Variants in GNG12 observed in about 807,000 individuals in gnomAD.
The protein encoded by GNG12 is guanine nucleotide-binding protein G(I)/G(S)/G(O) subunit gamma-12.
For missense variants in GNG12, 69 were observed against 83.8 expected, an observed-to-expected ratio of 0.82 and a Z score of 0.69; for synonymous variants, 28 against 29.7, an observed-to-expected ratio of 0.94 and a Z score of 0.19.
At chr1:67,773,469 T>C (rs2100757486) in intron 2 of GNG12, among the ~76,000 whole-genome samples, 1 of 152,270 alleles carries the variant, frequency 6.6e-6, no homozygotes, top group East Asian at 1.9e-4. Flanking sequence ...GGTGGCCTAG[T>C]TTATAGTTCG....
intron 2 of GNG12, among the ~76,000 whole-genome samples, chr1:67,734,206 TG>T (rs1021011713): frequency 6.6e-6 from 1 of 151,640 alleles, no homozygotes; most frequent in African/African-American, 2.4e-5. Flanking sequence ...AGCCCAGGTC[TG>T]GGCTGCTATC....
intron 2 of GNG12, among the ~76,000 whole-genome samples, chr1:67,750,957 A>G (rs1044392819): frequency 1.1e-4 from 16 of 152,240 alleles, no homozygotes; most frequent in Admixed American, 3.9e-4. Context: ...TACTTTAAAA[A>G]TAACACTAAC....
At chr1:67,794,051 A>C (rs755377203) in intron 1 of GNG12, among the ~76,000 whole-genome samples, 32 of 152,252 alleles carry the variant, frequency 2.1e-4, no homozygotes, top group Non-Finnish European at 4.1e-4. Context: ...CATAAACAGA[A>C]TCTTAAGGCA....
intron 2 of GNG12, among the ~76,000 whole-genome samples, chr1:67,709,825 T>C (rs1294471526): frequency 7.6e-6 from 1 of 130,920 alleles, no homozygotes; most frequent in Non-Finnish European, 1.6e-5. Context: ...TATATATATA[T>C]AAATATATAT....
intron 2 of GNG12, among the ~76,000 whole-genome samples, chr1:67,726,873 C>T (rs981397495): frequency 7.2e-5 from 11 of 152,112 alleles, no homozygotes; most frequent in Non-Finnish European, 1.5e-5. Context: ...TTTTAGGATA[C>T]CCACTACCTT....
intron 1 of GNG12, among the ~76,000 whole-genome samples, chr1:67,802,883 C>T (rs952686881): frequency 2.6e-5 from 4 of 152,238 alleles, no homozygotes; most frequent in South Asian, 2.1e-4. Flanking sequence ...ACACAGCAGA[C>T]GCTCAGTCCC....
chr1:67,769,265 A>G (rs1490757628), intron 2 of GNG12, among the ~76,000 whole-genome samples: 1 of 152,164 alleles, frequency 6.6e-6, no homozygotes, highest in African/African-American at 2.4e-5. Context: ...GAGTGACCTA[A>G]TTGTTACAGG....
chr1:67,820,062 G>A (rs543417910), intron 1 of GNG12, among the ~76,000 whole-genome samples: 21 of 146,172 alleles, frequency 1.4e-4, no homozygotes, highest in African/African-American at 4.8e-4. Context: ...CCCCCAAGTA[G>A]ACAATCAATA....
At chr1:67,788,981 C>T (rs1646785478) in intron 1 of GNG12, among the ~76,000 whole-genome samples, 1 of 152,182 alleles carries the variant, frequency 6.6e-6, no homozygotes, top group African/African-American at 2.4e-5. Context: ...GAGATAAAGG[C>T]TATACTTGTG....
chr1:67,766,166 C>T (rs1296457796), intron 2 of GNG12, among the ~76,000 whole-genome samples: 1 of 147,242 alleles, frequency 6.8e-6, no homozygotes, highest in Non-Finnish European at 1.5e-5. Context: ...ACAATGCCCT[C>T]ATAGACAAGC....
chr1:67,800,689 G>A (rs1446228844), intron 1 of GNG12, among the ~76,000 whole-genome samples: 2 of 152,114 alleles, frequency 1.3e-5, no homozygotes, highest in Non-Finnish European at 2.9e-5. Context: ...ATGGCATTTT[G>A]GTTTTTTTGA....
intron 2 of GNG12, among the ~76,000 whole-genome samples, chr1:67,753,403 G>A (rs757802298): frequency 2.0e-5 from 3 of 150,878 alleles, no homozygotes; most frequent in Non-Finnish European, 4.4e-5. Context: ...AAGCATTTCA[G>A]ATAAGCGATT....
intron 2 of GNG12, among the ~76,000 whole-genome samples, chr1:67,735,154 C>A (rs1321677435): frequency 6.6e-6 from 1 of 152,162 alleles, no homozygotes; most frequent in African/African-American, 2.4e-5. Context: ...CCGCGCCTGG[C>A]CTCAGATGTA....
Position 67,705,426 on chromosome 1 carries a change from G to A in GNG12, c.*25C>T. 4.3e-6 allele frequency: 7 copies of A among 1,611,740 alleles called. No homozygotes were observed. Among genetic ancestry groups the A allele is most frequent in the African/African-American group, 1.3e-5 (1 of 74,904 alleles). ...CTCATAATTTGCGTTGTTGGGAAGA[G>A]GCGAGGAGCTGTTTCTCTATTCCAC... On this transcript the variant is annotated 3_prime_UTR_variant, in exon 4 of 4. Coordinates refer to ENST00000370982, the MANE Select transcript of GNG12 (RefSeq NM_018841.6).
intron 1 of GNG12, among the ~76,000 whole-genome samples, chr1:67,831,484 G>A (rs1205224403): frequency 6.6e-6 from 1 of 152,118 alleles, no homozygotes; most frequent in Non-Finnish European, 1.5e-5. Context: ...ACAAATCTAA[G>A]TGCTGTGTGC....
intron 2 of GNG12, among the ~76,000 whole-genome samples, chr1:67,736,700 G>A (rs1191122077): frequency 6.6e-6 from 1 of 152,178 alleles, no homozygotes; most frequent in Non-Finnish European, 1.5e-5. Context: ...ACAGTTCCTT[G>A]GTAAGAACCG....
chr1:67,738,457 C>A (rs1646464417), intron 2 of GNG12, among the ~76,000 whole-genome samples: 1 of 152,176 alleles, frequency 6.6e-6, no homozygotes, highest in Non-Finnish European at 1.5e-5. Context: ...TGGTCTATAT[C>A]AAGTCTTTAA....
At chr1:67,757,204 TA>T (rs1646575044) in intron 2 of GNG12, among the ~76,000 whole-genome samples, 1 of 152,218 alleles carries the variant, frequency 6.6e-6, no homozygotes, top group African/African-American at 2.4e-5. Context: ...TTATATACTT[TA>T]AATATTGTGT....
At chr1:67,743,869 T>C (rs1348303199) in intron 2 of GNG12, among the ~76,000 whole-genome samples, 2 of 152,306 alleles carry the variant, frequency 1.3e-5, no homozygotes, top group East Asian at 3.9e-4. Context: ...GTTAGTTGCA[T>C]GTTAAACAAT....
Sources: gnomAD v4.1 joint callset for allele counts (sites outside exome capture counted in the v4.1 genomes callset) on GRCh38, gnomAD v4.1.1 for gene constraint, MANE v1.5 for transcripts, NCBI Gene and HGNC (gene_info 2026-07-23, HGNC 2026-07-21) for gene names.